The following SBF2 variants were observed in gnomAD, a reference collection of about 807,000 sequenced individuals.
SBF2 encodes myotubularin-related protein 13.
Under a neutral mutation model 225.2 loss-of-function variants are expected in SBF2, and 112 were observed. That is an observed-to-expected ratio of 0.50 (90% CI 0.43 to 0.58). The LOEUF (loss-of-function observed/expected upper bound fraction) is 0.58. Ranked by LOEUF, SBF2 falls within the 20% of genes least tolerant of loss-of-function variation. The pLI, the probability that SBF2 is intolerant of heterozygous loss-of-function variation, is 0.00. For synonymous variants in SBF2, 763 were observed against 773.3 expected, an observed-to-expected ratio of 0.99 and a Z score of 0.22; for missense variants, 1,996 against 2,206.2, an observed-to-expected ratio of 0.90 and a Z score of 1.91.
intron 17 of SBF2, among the ~76,000 whole-genome samples, chr11:9,887,062 A>C (rs536233754): frequency 6.6e-6 from 1 of 152,246 alleles, no homozygotes; most frequent in African/African-American, 2.4e-5. Flanking sequence ...AGACAAAGAA[A>C]TAGTCTTAGT....
chr11:10,268,014 A>G (rs1246647038), intron 1 of SBF2, among the ~76,000 whole-genome samples: 1 of 152,166 alleles, frequency 6.6e-6, no homozygotes, highest in Non-Finnish European at 1.5e-5. Flanking sequence ...CCAAAGAAAA[A>G]CAAGTAACAT....
intron 2 of SBF2, among the ~76,000 whole-genome samples, chr11:10,076,776 G>A (rs1352781083): frequency 1.3e-5 from 2 of 152,156 alleles, no homozygotes; most frequent in African/African-American, 4.8e-5. Flanking sequence ...AGCACCAGTT[G>A]CTCTGCTCCT....
intron 16 of SBF2, among the ~76,000 whole-genome samples, chr11:9,945,747 C>G (rs1021839433): frequency 1.3e-5 from 2 of 151,894 alleles, no homozygotes; most frequent in African/African-American, 4.8e-5. Flanking sequence ...AACAAGCAAA[C>G]CCAAATAATA....
chr11:10,131,164 G>A (rs1447824836), intron 2 of SBF2, among the ~76,000 whole-genome samples: 2 of 151,768 alleles, frequency 1.3e-5, no homozygotes, highest in African/African-American at 4.8e-5. Context: ...GTGAGAGACT[G>A]TATTACCATA....
At chr11:9,818,964 C>T (rs1267958848) in intron 28 of SBF2, among the ~76,000 whole-genome samples, 15 of 151,834 alleles carry the variant, frequency 9.9e-5, no homozygotes, top group African/African-American at 1.9e-4. Flanking sequence ...TCAGGTGATC[C>T]GCCCGCCTCA....
chr11:10,136,586 C>A (rs1297668399), intron 2 of SBF2, among the ~76,000 whole-genome samples: 1 of 152,110 alleles, frequency 6.6e-6, no homozygotes, highest in Non-Finnish European at 1.5e-5. Flanking sequence ...TGTTGTATGG[C>A]CAAGTCAGAC....
At chr11:10,018,746 T>C (rs1336162744) in intron 6 of SBF2, among the ~76,000 whole-genome samples, 7 of 152,190 alleles carry the variant, frequency 4.6e-5, no homozygotes, top group African/African-American at 7.2e-5. Flanking sequence ...AAGGACTCAA[T>C]TGGTCAATGA....
At chr11:9,946,799 AATTTG>A (rs1396636328) in intron 16 of SBF2, among the ~76,000 whole-genome samples, 1 of 152,184 alleles carries the variant, frequency 6.6e-6, no homozygotes, top group East Asian at 1.9e-4. Context: ...CACTTAATAC[AATTTG>A]ATATAACTAG....
chr11:10,288,946 G>A lies in SBF2; in HGVS notation c.55+5069C>T, dbSNP rs564065618. On this transcript the variant is annotated intron_variant, in intron 1 of 39. Coordinates refer to ENST00000256190, the MANE Select transcript of SBF2 (RefSeq NM_030962.4). ...CAAGCCCTCCCCGGCCTGAAGGTGG[G>A]GCCTCACCAGAGACCTGCCCCCTTC... 1.1e-4 allele frequency among the ~76,000 whole-genome samples: 16 copies of A among 152,262 alleles called. No individual in the cohort carries two copies. The South Asian group carries it at 1.4e-3, about 14-fold the overall frequency.
intron 1 of SBF2, among the ~76,000 whole-genome samples, chr11:10,304,037 C>G (rs1565452333): frequency 6.6e-6 from 1 of 152,176 alleles, no homozygotes; most frequent in African/African-American, 2.4e-5. Context: ...AGTAGGGACT[C>G]TGCTGCTTCC....
chr11:10,059,483 T>G (rs1293007181), intron 2 of SBF2, among the ~76,000 whole-genome samples: 1 of 151,814 alleles, frequency 6.6e-6, no homozygotes, highest in African/African-American at 2.4e-5. Flanking sequence ...AACAAGAAAA[T>G]TAACCAAAAT....
At chr11:9,866,516 G>A (rs973995773) in intron 17 of SBF2, among the ~76,000 whole-genome samples, 1 of 152,156 alleles carries the variant, frequency 6.6e-6, no homozygotes, top group African/African-American at 2.4e-5. Flanking sequence ...GGGAAAACTG[G>A]ATATCCATAT....
chr11:10,040,645 T>C (rs1949618033), intron 3 of SBF2, among the ~76,000 whole-genome samples: 1 of 151,970 alleles, frequency 6.6e-6, no homozygotes, highest in South Asian at 2.1e-4. Context: ...TTTTATTATA[T>C]TGATGTTAAA....
intron 2 of SBF2, among the ~76,000 whole-genome samples, chr11:10,060,918 C>G (rs894278501): frequency 8.6e-5 from 13 of 152,044 alleles, no homozygotes; most frequent in African/African-American, 2.7e-4. Flanking sequence ...GTCCCAGCTA[C>G]TCCGGAGGCT....
At chr11:9,961,898 C>G (rs1866594273) in intron 16 of SBF2, 59 bp downstream of exon 16, 3 of 1,539,824 alleles carry the variant, frequency 1.9e-6, no homozygotes, top group Non-Finnish European at 2.7e-6. Flanking sequence ...ACAAAATATT[C>G]TGGAAAAATG....
In SBF2 at chr11:9,895,965, G is replaced by C. The variant is rs544091616; in HGVS notation, c.1907C>G (p.Pro636Arg). The change falls in exon 17 of 40, where the codon CCT (proline) becomes CGT (arginine). Residue 636 changes from proline to arginine, a missense_variant. Pro to Arg is a moderately radical substitution (Grantham distance 103). Coordinates refer to ENST00000256190, the MANE Select transcript of SBF2 (RefSeq NM_030962.4). Reference sequence around the variant, plus strand: ...TACCCTATAGAAAGCACTGGTCAAAGGGAGTAATGCTGCGGCAATGTTGTA... The same window carrying C: ...TACCCTATAGAAAGCACTGGTCAAACGGAGTAATGCTGCGGCAATGTTGTA... Reference protein sequence around the residue: ...EEYNIAAALLPLTSAFYRKLA... With the variant: ...EEYNIAAALLRLTSAFYRKLA... The C allele has an allele frequency of 2.5e-6, 4 of 1,613,062 alleles. No homozygotes were observed. Among genetic ancestry groups the C allele is most frequent in the Non-Finnish European group, 3.4e-6 (4 of 1,179,216 alleles).
At chr11:10,182,621 T>C (rs1956779470) in intron 2 of SBF2, among the ~76,000 whole-genome samples, 1 of 152,084 alleles carries the variant, frequency 6.6e-6, no homozygotes, top group African/African-American at 2.4e-5. Flanking sequence ...TGGTGCAATC[T>C]CGGCTCACTG....
chr11:10,304,430 C>G (rs191252079), intron 1 of SBF2, among the ~76,000 whole-genome samples: 2 of 152,244 alleles, frequency 1.3e-5, no homozygotes, highest in Non-Finnish European at 2.9e-5. Flanking sequence ...GATAATTCCC[C>G]CCTCCAAATC....
chr11:10,213,257 G>C (rs368154841), intron 1 of SBF2, among the ~76,000 whole-genome samples: 1 of 152,238 alleles, frequency 6.6e-6, no homozygotes, highest in East Asian at 1.9e-4. Flanking sequence ...TGTTTTTAGA[G>C]AGTAAGGAAG....
Sources: gnomAD v4.1 joint callset for allele counts (sites outside exome capture counted in the v4.1 genomes callset) on GRCh38, gnomAD v4.1.1 for gene constraint, MANE v1.5 for transcripts, NCBI Gene and HGNC (gene_info 2026-07-23, HGNC 2026-07-21) for gene names.